The following ANXA11 variants were observed in gnomAD, a reference collection of about 807,000 sequenced individuals.
The protein encoded by ANXA11 is annexin A11.
In ANXA11, 57 loss-of-function variants were observed where a neutral mutation model predicts 64.7. The observed-to-expected ratio is 0.88, with a 90% confidence interval of 0.71 to 1.10. The LOEUF is 1.10. Among genes scored for constraint, ANXA11 ranks in the 50% least tolerant of loss-of-function variants. The pLI is 0.00. For missense variants in ANXA11, 675 were observed against 670.7 expected (o/e 1.01, Z -0.07); for synonymous variants, 260 against 265.2 (o/e 0.98, Z 0.19).
chr10:80,171,747 C>G, intron 3 of ANXA11: 1 of 985,538 alleles, frequency 1.0e-6, no homozygotes, highest in African/African-American at 1.7e-5. Context: ...CAGGAAGAAC[C>G]TTCCCTAAAT....
intron 1 of ANXA11, among the ~76,000 whole-genome samples, chr10:80,191,827 G>A (rs1001956866): frequency 9.2e-5 from 14 of 152,178 alleles, no homozygotes; most frequent in Admixed American, 1.3e-4. Context: ...CCTCACAACC[G>A]GATGCCAGAG....
At chr10:80,178,904 C>T (rs1019243581) in intron 1 of ANXA11, among the ~76,000 whole-genome samples, 1 of 152,112 alleles carries the variant, frequency 6.6e-6, no homozygotes, top group Non-Finnish European at 1.5e-5. Context: ...CCCCCCAGTC[C>T]CCAGTAATTC....
intron 1 of ANXA11, among the ~76,000 whole-genome samples, chr10:80,188,511 A>ATATATATATATATAT (rs1554834982): frequency 8.7e-5 from 11 of 126,528 alleles, no homozygotes; most frequent in East Asian, 2.3e-4. Context: ...ATATATATAT[A>ATATATATATATATAT]GCACTACAAC....
rs1006394394 is a variant in ANXA11 at position 80,169,232 on chromosome 10, C to T, written c.298G>A (p.Val100Ile). 1.9e-6 allele frequency: 3 copies of T among 1,612,052 alleles called. No homozygotes were observed. Among genetic ancestry groups the T allele is most frequent in the Non-Finnish European group, 2.5e-6 (3 of 1,179,486 alleles). Residue 100 changes from valine to isoleucine, a missense_variant, in exon 5 of 16, where the codon GTT (valine) becomes ATT (isoleucine). Transcript: ENST00000422982. Reference sequence around the variant, plus strand: ...GGTGGATACATCCCATAGGGAGGAACAGGCTGCTGGGCAGAGGGGGGCTGC... The same window carrying T: ...GGTGGATACATCCCATAGGGAGGAATAGGCTGCTGGGCAGAGGGGGGCTGC... ...FGQPPSAQQPVPPYGMYPPPG... is the reference protein window; with the variant it reads ...FGQPPSAQQPIPPYGMYPPPG...
chr10:80,161,884 C>A, intron 12 of ANXA11, 51 bp downstream of exon 12: 1 of 1,479,502 alleles, frequency 6.8e-7, no homozygotes, highest in South Asian at 1.1e-5. Flanking sequence ...CCCCACAATC[C>A]CCTGACTGCC....
intron 1 of ANXA11, among the ~76,000 whole-genome samples, chr10:80,176,897 C>T (rs1396062191): frequency 6.6e-6 from 1 of 152,180 alleles, no homozygotes; most frequent in Non-Finnish European, 1.5e-5. Context: ...CAAGATATAC[C>T]TCTAGTCCTC....
rs11392466 is a variant in ANXA11, at chr10:80,154,103, A to ATT, written c.*1748_*1749dup. The stretch of plus-strand genomic sequence containing the variant: ...GGGAATGCACTACAATGCCAGGTAA[A>ATT]TTTTTTTTTTTTTTTGAGACAGAGT... On this transcript the variant is annotated 3_prime_UTR_variant, in exon 16 of 16. Coordinates refer to ENST00000422982, the MANE Select transcript of ANXA11 (RefSeq NM_145868.2). 10,531 of 144,236 alleles carry ATT rather than the reference A, an allele frequency of 0.073. 593 individuals are homozygous for ATT. Among genetic ancestry groups the ATT allele is most frequent in the South Asian group, 0.2 (908 of 4,518 alleles). 8.9% of individuals were successfully genotyped at this position (144,236 alleles called of 1,614,324 possible).
intron 1 of ANXA11, among the ~76,000 whole-genome samples, chr10:80,200,951 G>T (rs149841113): frequency 6.3e-4 from 96 of 152,320 alleles, no homozygotes; most frequent in African/African-American, 2.1e-3. Flanking sequence ...ACGGAGCGCC[G>T]TGGGGAGGGA....
chr10:80,171,587 T>C, intron 3 of ANXA11: 1 of 970,896 alleles, frequency 1.0e-6, no homozygotes, highest in East Asian at 1.1e-4. Context: ...ATGCCTAGAC[T>C]GCTGTGACGA....
At chr10:80,182,915 T>C (rs1846406391) in intron 1 of ANXA11, among the ~76,000 whole-genome samples, 1 of 152,148 alleles carries the variant, frequency 6.6e-6, no homozygotes, top group Non-Finnish European at 1.5e-5. Flanking sequence ...TGAGCTGCAT[T>C]ATAGGACACC....
chr10:80,174,938 C>T (rs187823397), intron 2 of ANXA11, among the ~76,000 whole-genome samples: 20 of 152,272 alleles, frequency 1.3e-4, no homozygotes, highest in Admixed American at 5.2e-4. Flanking sequence ...TTCAGCCCTA[C>T]GGGTGTAGTC....
chr10:80,171,083 C>T (rs1331632661), intron 3 of ANXA11, 168 bp from the exon 4 acceptor site: 44 of 1,517,112 alleles, frequency 2.9e-5, no homozygotes, highest in Non-Finnish European at 2.9e-5. Context: ...AAGTCTCCCC[C>T]TATCCCACTG....
At chr10:80,175,835 T>A (rs1846149155) in intron 2 of ANXA11, among the ~76,000 whole-genome samples, 1 of 152,128 alleles carries the variant, frequency 6.6e-6, no homozygotes, top group African/African-American at 2.4e-5. Flanking sequence ...GGTGGGCAGA[T>A]CACCTGAGGT....
At chr10:80,166,270 T>A in intron 7 of ANXA11, 73 bp from the exon 8 acceptor site, 2 of 872,210 alleles carry the variant, frequency 2.3e-6, no homozygotes, top group Non-Finnish European at 3.6e-6. Flanking sequence ...AGGAAGTGAC[T>A]AATAAGAGCC....
intron 1 of ANXA11, among the ~76,000 whole-genome samples, chr10:80,198,453 T>C (rs1341839748): frequency 1.3e-5 from 2 of 152,240 alleles, no homozygotes; most frequent in Non-Finnish European, 2.9e-5. Flanking sequence ...GGGAGGCACC[T>C]AGACGGTGCT....
upstream of ANXA11, among the ~76,000 whole-genome samples, chr10:80,205,792 C>T (rs1268775068): frequency 6.6e-6 from 1 of 152,200 alleles, no homozygotes; most frequent in East Asian, 1.9e-4. Flanking sequence ...TCTCCAGCCC[C>T]GTGTGCGTCG....
chr10:80,169,480 C>T, intron 4 of ANXA11, 122 bp from the exon 5 acceptor site: 9 of 1,144,416 alleles, frequency 7.9e-6, no homozygotes, highest in South Asian at 1.3e-5. Context: ...ATATGAAGTA[C>T]CGTTATACCC....
intron 1 of ANXA11, among the ~76,000 whole-genome samples, chr10:80,200,576 T>A (rs1174580928): frequency 1.3e-5 from 2 of 151,496 alleles, no homozygotes; most frequent in Non-Finnish European, 2.9e-5. Context: ...ACAGTGAGAG[T>A]TTTTGTTATA....
chr10:80,157,905 C>T, intron 14 of ANXA11, 62 bp downstream of exon 14: 4 of 1,602,444 alleles, frequency 2.5e-6, no homozygotes, highest in African/African-American at 2.7e-5. Flanking sequence ...GCCCTCAGCC[C>T]TTGGTCCCAG....
Sources: gnomAD v4.1 joint callset for allele counts (sites outside exome capture counted in the v4.1 genomes callset) on GRCh38, gnomAD v4.1.1 for gene constraint, MANE v1.5 for transcripts, NCBI Gene and HGNC (gene_info 2026-07-23, HGNC 2026-07-21) for gene names.